Variants in CENPK observed in about 807,000 individuals in gnomAD.
CENPK encodes the protein centromere protein K.
A neutral mutation model predicts 40.9 loss-of-function variants in CENPK; 46 were observed. The ratio of observed to expected loss-of-function variants is 1.13; its 90% CI spans 0.89 to 1.44. CENPK has a LOEUF of 1.44. Among genes scored for constraint, CENPK ranks in the 40% most tolerant of loss-of-function variants. CENPK has a pLI of 0.00. For missense variants in CENPK, 288 were observed against 303.5 expected (o/e 0.95, Z 0.38); for synonymous variants, 107 against 104.4 (o/e 1.02, Z -0.15).
chr5:65,500,061 T>C, the CENPK span, among the ~76,000 whole-genome samples: 1 of 52,640 alleles, frequency 1.9e-5, no homozygotes, highest in African/African-American at 7.4e-5. Flanking sequence ...CTTAATCCAG[T>C]CTATCATTGT....
rs1378246954 is a variant in CENPK, at chr5:65,529,211, T to C, written c.289-12A>G. The C allele has an allele frequency of 2.0e-6, 3 of 1,516,090 alleles. No homozygotes were observed. Among genetic ancestry groups the C allele is most frequent in the Middle Eastern group, 1.8e-4 (1 of 5,670 alleles). The allele number at this position is 1,516,090 out of a possible 1,614,324, so 93.9% of individuals were successfully genotyped here. A position where few individuals can be genotyped will look rare whatever the true frequency, so the allele number is the denominator to read the frequency against. ...CTCAGCTTTTGGAACTAGAATAAAATAATTCAAATTAATTGCTTGGTCTTT... is the reference window on the plus strand; with the variant it reads ...CTCAGCTTTTGGAACTAGAATAAAACAATTCAAATTAATTGCTTGGTCTTT... On this transcript the variant is annotated splice_polypyrimidine_tract_variant and intron_variant, in intron 6 of 10. Coordinates refer to ENST00000396679, the MANE Select transcript of CENPK (RefSeq NM_022145.5).
At chr5:65,512,862 A>T (rs1742623355), downstream of CENPK, among the ~76,000 whole-genome samples, 1 of 152,170 alleles carries the variant, frequency 6.6e-6, no homozygotes, top group Admixed American at 6.5e-5. Context: ...ATTATATTTT[A>T]ATTTTAGCCA....
At position 65,528,588 on chromosome 5, in the gene CENPK, TA is replaced by T. The variant is rs765061204; in HGVS notation, c.471-11del. On this transcript the variant is annotated splice_polypyrimidine_tract_variant and intron_variant, in intron 8 of 10. Coordinates refer to ENST00000396679, the MANE Select transcript of CENPK (RefSeq NM_022145.5). Reference sequence around the variant, plus strand: ...CAGTTCATTAAAGATTCTAATAGATTAAAAAAATTAAGAGAAACATTTAACT... The same window carrying T: ...CAGTTCATTAAAGATTCTAATAGATTAAAAAATTAAGAGAAACATTTAACT... The T allele has an allele frequency of 1.4e-5, 21 of 1,506,542 alleles. No homozygotes were observed. The highest frequency in any genetic ancestry group is 7.2e-5 in the Admixed American group (3 of 41,522). The allele number at this position is 1,506,542 out of a possible 1,614,324, so 93.3% of individuals were successfully genotyped here. A position where few individuals can be genotyped will look rare whatever the true frequency, so the allele number is the denominator to read the frequency against.
chr5:65,552,696 G>GT (rs1388339988), intron 3 of CENPK, 147 bp from the exon 4 acceptor site: 1 of 447,066 alleles, frequency 2.2e-6, no homozygotes, highest in Non-Finnish European at 4.0e-6. Context: ...TCCTCACTAT[G>GT]TAAGACGATT....
At chr5:65,558,166 A>T (rs1561701132) in intron 2 of CENPK, among the ~76,000 whole-genome samples, 2 of 151,516 alleles carry the variant, frequency 1.3e-5, no homozygotes, top group East Asian at 3.9e-4. Context: ...ACACACACAC[A>T]TTTTTTTTTC....
At chr5:65,508,615 T>A in the CENPK span, among the ~76,000 whole-genome samples, 3 of 151,512 alleles carry the variant, frequency 2.0e-5, no homozygotes, top group African/African-American at 7.2e-5. Flanking sequence ...TGAAACCCCA[T>A]CTCTACTAAA....
chr5:65,536,938 T>C (rs936856357), intron 6 of CENPK, among the ~76,000 whole-genome samples: 3 of 152,202 alleles, frequency 2.0e-5, no homozygotes, highest in Non-Finnish European at 4.4e-5. Flanking sequence ...CATGAAGTGA[T>C]TAATGCCATA....
intron 6 of CENPK, among the ~76,000 whole-genome samples, chr5:65,539,421 C>A (rs544142790): frequency 6.6e-6 from 1 of 152,106 alleles, no homozygotes; most frequent in Non-Finnish European, 1.5e-5. Flanking sequence ...ATGGTGGGAG[C>A]GACATAGGAT....
chr5:65,556,307 T>C (rs1314898622), intron 2 of CENPK, among the ~76,000 whole-genome samples: 2 of 151,990 alleles, frequency 1.3e-5, no homozygotes, highest in Non-Finnish European at 2.9e-5. Context: ...CCCCTATCTC[T>C]ATAAAAAAAT....
At chr5:65,555,572 C>T (rs2150536072) in intron 2 of CENPK, among the ~76,000 whole-genome samples, 1 of 152,300 alleles carries the variant, frequency 6.6e-6, no homozygotes, top group African/African-American at 2.4e-5. Flanking sequence ...TGGTTAACTA[C>T]AGGCAGTAAG....
intron 9 of CENPK, among the ~76,000 whole-genome samples, chr5:65,526,966 G>A (rs1055327556): frequency 1.3e-5 from 2 of 152,054 alleles, no homozygotes; most frequent in Non-Finnish European, 2.9e-5. Flanking sequence ...GGTGGCACGC[G>A]TTTGTAGTCC....
chr5:65,516,011 G>C (rs1018620524), downstream of CENPK, among the ~76,000 whole-genome samples: 5 of 152,208 alleles, frequency 3.3e-5, no homozygotes, highest in East Asian at 7.7e-4. Context: ...ATGGCAAAGA[G>C]AGCAAGCTTT....
At chr5:65,499,664 T>A in the CENPK span, among the ~76,000 whole-genome samples, 11 of 98,036 alleles carry the variant, frequency 1.1e-4, no homozygotes, top group East Asian at 1.9e-3. Flanking sequence ...TTTTTTTTTT[T>A]TAATTTTTTT....
chr5:65,557,737 G>A (rs993742668), intron 2 of CENPK, among the ~76,000 whole-genome samples: 7 of 152,244 alleles, frequency 4.6e-5, no homozygotes, highest in Middle Eastern at 3.4e-3. Context: ...ACTCATGAGC[G>A]TAATAAATAG....
the CENPK span, among the ~76,000 whole-genome samples, chr5:65,502,674 G>A: frequency 6.6e-6 from 1 of 151,918 alleles, no homozygotes; most frequent in East Asian, 1.9e-4. Context: ...CTAGAGTGCA[G>A]TGGTGAGATC....
chr5:65,527,205 T>C (rs1744859949), intron 9 of CENPK, among the ~76,000 whole-genome samples: 1 of 152,182 alleles, frequency 6.6e-6, no homozygotes, highest in South Asian at 2.1e-4. Context: ...AGGAATCTGC[T>C]ACCCTCACCA....
chr5:65,545,320 GCGCGCACACACACA>G (rs1283470575), intron 5 of CENPK, among the ~76,000 whole-genome samples: 3 of 34,584 alleles, frequency 8.7e-5, no homozygotes, highest in Admixed American at 5.4e-4. Context: ...AGTCCTCAAA[GCGCGCACACACACA>G]CACACACACA....
chr5:65,529,088 G>A (rs760676434), intron 7 of CENPK, 29 bp downstream of exon 7: 2 of 1,541,290 alleles, frequency 1.3e-6, no homozygotes, highest in Non-Finnish European at 1.8e-6. Context: ...ATATATGAAT[G>A]ATTAATAGTA....
chr5:65,537,924 G>A (rs890448923), intron 6 of CENPK, among the ~76,000 whole-genome samples: 3 of 151,986 alleles, frequency 2.0e-5, no homozygotes, highest in African/African-American at 4.8e-5. Flanking sequence ...CATTCCTCCT[G>A]GGTATATATC....
Sources: gnomAD v4.1 joint callset for allele counts (sites outside exome capture counted in the v4.1 genomes callset) on GRCh38, gnomAD v4.1.1 for gene constraint, MANE v1.5 for transcripts, NCBI Gene and HGNC (gene_info 2026-07-23, HGNC 2026-07-21) for gene names.